Variants in DKC1 observed in about 807,000 individuals in gnomAD.
DKC1 encodes dyskerin pseudouridine synthase 1.
In DKC1, 4 loss-of-function variants were observed where a neutral mutation model predicts 46.7. That is an observed-to-expected ratio of 0.09 (90% CI 0.04 to 0.20). The LOEUF is 0.20. DKC1 is among the 10% of genes least tolerant of loss of function. The probability of loss-of-function intolerance (pLI) is 1.00; values close to 1 mark genes in which losing one functional copy is unlikely to be tolerated. For missense variants in DKC1, 171 were observed against 404.2 expected (o/e 0.42, Z 4.95); for synonymous variants, 141 against 142.4 (o/e 0.99, Z 0.07).
intron 10 of DKC1, among the ~76,000 whole-genome samples, chrX:154,772,499 A>T (rs1569558591): frequency 8.9e-6 from 1 of 112,290 alleles, no homozygotes; most frequent in Admixed American, 9.4e-5. Flanking sequence ...GCTCTATACT[A>T]TAATTTGAAG....
chrX:154,763,545 G>A (rs2071707748), intron 1 of DKC1, among the ~76,000 whole-genome samples: 1 of 112,274 alleles, frequency 8.9e-6, no homozygotes. Flanking sequence ...AACCGGAAGG[G>A]AAGCCGACAC....
At chrX:154,772,933 T>A (rs1424936823) in intron 10 of DKC1, among the ~76,000 whole-genome samples, 198 bp from the exon 11 acceptor site, 1 of 111,982 alleles carries the variant, frequency 8.9e-6, no homozygotes, top group African/African-American at 3.3e-5. Context: ...TTCAGAAGTT[T>A]AACGTCATTT....
At position 154,774,718 on chromosome X, in the gene DKC1, T is replaced by A; in HGVS notation, c.1259+13T>A. 1 of 1,187,765 alleles carries A rather than the reference T, an allele frequency of 8.4e-7. No individual in the cohort carries two copies. Among genetic ancestry groups the A allele is most frequent in the Non-Finnish European group, 1.1e-6 (1 of 874,324 alleles). Reference sequence around the variant, plus strand: ...ATGTTGACTACAGGTGAGGGCAGGATGTTTCAGAGCCGGGGTGGGTAGAGA... The same window carrying A: ...ATGTTGACTACAGGTGAGGGCAGGAAGTTTCAGAGCCGGGGTGGGTAGAGA... On this transcript the variant is annotated intron_variant, in intron 12 of 14. Coordinates refer to ENST00000369550, the MANE Select transcript of DKC1 (RefSeq NM_001363.5).
Position 154,765,426 on chromosome X carries a change from A to G in DKC1, c.85-18A>G, listed in dbSNP as rs2071732655. On this transcript the variant is annotated intron_variant, in intron 2 of 14. Coordinates refer to ENST00000369550, the MANE Select transcript of DKC1 (RefSeq NM_001363.5). The stretch of plus-strand genomic sequence containing the variant: ...TCGGGTGGGAAGTTTAATAGGTTAT[A>G]TTTCTGTCCTGTCGAAGGAAATACA... 1.5e-5 allele frequency: 18 copies of G among 1,179,060 alleles called. No individual in the cohort carries two copies. Among genetic ancestry groups the G allele is most frequent in the Non-Finnish European group, 2.0e-5 (17 of 865,431 alleles).
At chrX:154,772,277 G>A (rs782362919) in intron 10 of DKC1, among the ~76,000 whole-genome samples, 10 of 111,486 alleles carry the variant, frequency 9.0e-5, no homozygotes, top group African/African-American at 1.3e-4. Flanking sequence ...GGTAGTTTGC[G>A]GATATTTTCT....
intron 10 of DKC1, among the ~76,000 whole-genome samples, chrX:154,771,213 A>G (rs1603429569): frequency 1.4e-5 from 1 of 69,074 alleles, no homozygotes; most frequent in Admixed American, 2.2e-4. Context: ...TTTTTTTGAG[A>G]CAGTCTTGCT....
At chrX:154,770,617 C>T (rs941674741) in intron 9 of DKC1, 142 bp from the exon 10 acceptor site, 1 of 768,438 alleles carries the variant, frequency 1.3e-6, no homozygotes, top group Non-Finnish European at 1.9e-6. Context: ...ACCACTCATG[C>T]CCCTTGCAGC....
chrX:154,775,020 A>G, intron 12 of DKC1, 175 bp from the exon 13 acceptor site: 1 of 594,962 alleles, frequency 1.7e-6, no homozygotes, highest in Non-Finnish European at 3.0e-6. Flanking sequence ...ATCCCTTTCT[A>G]GTCTGGCTCG....
intron 10 of DKC1, among the ~76,000 whole-genome samples, chrX:154,772,713 T>C (rs1461078017): frequency 1.8e-5 from 2 of 112,207 alleles, no homozygotes; most frequent in Non-Finnish European, 3.8e-5. Context: ...ATGGGTCTAA[T>C]TTGTACCAGA....
In DKC1 at chrX:154,767,025, G is replaced by C; in HGVS notation, c.477G>C (p.Leu159=). 4 of 1,211,650 alleles carry C rather than the reference G, an allele frequency of 3.3e-6. No homozygotes were observed. Among genetic ancestry groups the C allele is most frequent in the Non-Finnish European group, 4.5e-6 (4 of 895,295 alleles). The change falls in exon 6 of 15, where the codon CTG becomes CTC. Residue 159 remains leucine (L), a synonymous_variant. Coordinates refer to ENST00000369550, the MANE Select transcript of DKC1 (RefSeq NM_001363.5). ...AAGAGTATGTGGGGATTGTCCGGCT[G>C]CACAATGCTATTGAAGGGGGGACCC... ...AGKEYVGIVR[L]HNAIEGGTQL...
At chrX:154,774,931 C>T (rs1236638902) in intron 12 of DKC1, 21 of 570,033 alleles carry the variant, frequency 3.7e-5, no homozygotes, top group Non-Finnish European at 6.7e-5. Flanking sequence ...TGCAGGACCA[C>T]AGGAACCAGC....
intron 8 of DKC1, chrX:154,768,756 C>T (rs781823813): frequency 3.1e-4 from 102 of 332,283 alleles, no homozygotes; most frequent in African/African-American, 2.0e-3. Context: ...GAGGCCGAGG[C>T]GGGTGGATCA....
Position 154,777,571 on chromosome X carries a change from TGTTAA to T in DKC1, c.*708_*712del, listed in dbSNP as rs782387460. 5.3e-5 allele frequency: 6 copies of T among 112,669 alleles called. No individual in the cohort carries two copies. The highest frequency in any genetic ancestry group is 7.5e-5 in the Non-Finnish European group (4 of 53,311). The allele number at this position is 112,669 out of a possible 1,213,427, so 9.3% of individuals were successfully genotyped here. On this transcript the variant is annotated 3_prime_UTR_variant, in exon 15 of 15. Coordinates refer to ENST00000369550, the MANE Select transcript of DKC1 (RefSeq NM_001363.5). Reference sequence around the variant, plus strand: ...TAATTTTTACTTATTAAAGTCAACTTGTTAAGTTTTTTATGTATTCCTGTTGGGTT... The same window carrying T: ...TAATTTTTACTTATTAAAGTCAACTTGTTTTTTATGTATTCCTGTTGGGTT...
intron 10 of DKC1, among the ~76,000 whole-genome samples, chrX:154,772,637 T>G (rs1221891969): frequency 8.9e-6 from 1 of 112,611 alleles, no homozygotes; most frequent in Non-Finnish European, 1.9e-5. Flanking sequence ...ACTGTTGGAT[T>G]GTCTCTTAAG....
chrX:154,773,059 T>A, intron 10 of DKC1, 72 bp from the exon 11 acceptor site: 1 of 744,125 alleles, frequency 1.3e-6, no homozygotes, highest in Admixed American at 2.3e-5. Flanking sequence ...CATACAACAG[T>A]AGAATTGGGG....
chrX:154,764,444 T>A (rs1309050903), intron 1 of DKC1, among the ~76,000 whole-genome samples: 3 of 110,900 alleles, frequency 2.7e-5, no homozygotes, highest in Non-Finnish European at 5.7e-5. Context: ...TCAGAATAAA[T>A]CAACCTTAGC....
At chrX:154,773,399 T>TA (rs2148515330) in intron 11 of DKC1, 150 bp downstream of exon 11, 1 of 363,513 alleles carries the variant, frequency 2.8e-6, no homozygotes, top group Admixed American at 4.9e-5. Context: ...GGTCAGCAGA[T>TA]AAACAAGTGA....
chrX:154,766,575 G>A (rs968899419), intron 5 of DKC1, 175 bp downstream of exon 5: 11 of 483,015 alleles, frequency 2.3e-5, no homozygotes, highest in South Asian at 3.3e-5. Context: ...GGTGGTCCGC[G>A]CTTTTTGGAA....
At chrX:154,770,467 T>TAAAAAAA (rs150045442) in intron 9 of DKC1, among the ~76,000 whole-genome samples, 7 of 67,742 alleles carry the variant, frequency 1.0e-4, no homozygotes, top group African/African-American at 2.9e-4. Flanking sequence ...GCCTGAAAAT[T>TAAAAAAA]AAAAAAAAAA....
Sources: gnomAD v4.1 joint callset for allele counts (sites outside exome capture counted in the v4.1 genomes callset) on GRCh38, gnomAD v4.1.1 for gene constraint, MANE v1.5 for transcripts, NCBI Gene and HGNC (gene_info 2026-07-23, HGNC 2026-07-21) for gene names.